SPPL2A: variants seen among roughly 807,000 people sequenced by gnomAD.
The protein encoded by SPPL2A is signal peptide peptidase-like 2A.
A neutral mutation model predicts 63.8 loss-of-function variants in SPPL2A; 51 were observed. The ratio of observed to expected loss-of-function variants is 0.80; its 90% CI spans 0.64 to 1.01. SPPL2A has a LOEUF of 1.01. SPPL2A is among the 50% of genes least tolerant of loss of function. The pLI, the probability that SPPL2A is intolerant of heterozygous loss-of-function variation, is 0.00. For synonymous variants in SPPL2A, 188 were observed against 205.8 expected (o/e 0.91, Z 0.74); for missense variants, 553 against 622.7 (o/e 0.89, Z 1.19).
At chr15:50,725,177 C>T in intron 12 of SPPL2A, 44 bp downstream of exon 12, 1 of 1,114,400 alleles carries the variant, frequency 9.0e-7, no homozygotes. Context: ...GATTTAAAAT[C>T]ATCAGTGTTT....
intron 6 of SPPL2A, among the ~76,000 whole-genome samples, chr15:50,737,907 A>G (rs1466711206): frequency 6.6e-6 from 1 of 152,042 alleles, no homozygotes; most frequent in Non-Finnish European, 1.5e-5. Flanking sequence ...CCCTGTTTCT[A>G]CTAAAAATAC....
At chr15:50,740,446 G>A (rs28550702) in intron 5 of SPPL2A, among the ~76,000 whole-genome samples, 27,540 of 120,814 alleles carry the variant, frequency 0.23, 3,997 homozygotes, top group East Asian at 0.49. Context: ...AAAAAAAAAA[G>A]AAAAAAAAAA....
intron 1 of SPPL2A, among the ~76,000 whole-genome samples, chr15:50,758,390 T>G (rs1281626346): frequency 1.3e-5 from 2 of 150,926 alleles, no homozygotes; most frequent in African/African-American, 4.9e-5. Flanking sequence ...TAGAGTGCAG[T>G]GGCGTGATCT....
chr15:50,729,457 A>G (rs1166010893), intron 10 of SPPL2A, among the ~76,000 whole-genome samples: 4 of 152,166 alleles, frequency 2.6e-5, no homozygotes, highest in Non-Finnish European at 5.9e-5. Flanking sequence ...CCATCTCTAC[A>G]AAAAATACAA....
chr15:50,710,231 A>G (rs1267572049), intron 14 of SPPL2A, among the ~76,000 whole-genome samples: 1 of 152,174 alleles, frequency 6.6e-6, no homozygotes, highest in Non-Finnish European at 1.5e-5. Flanking sequence ...ATGATAGCCC[A>G]CATACCCTAA....
intron 5 of SPPL2A, chr15:50,743,206 G>A (rs2062835821): frequency 6.6e-6 from 1 of 152,360 alleles, no homozygotes; most frequent in African/African-American, 2.4e-5. Context: ...GGGAGGCAGA[G>A]GTTGCAGTGA....
intron 8 of SPPL2A, among the ~76,000 whole-genome samples, chr15:50,735,354 G>C (rs887247796): frequency 6.6e-6 from 1 of 151,876 alleles, no homozygotes; most frequent in African/African-American, 2.4e-5. Context: ...TTCAAAGTTT[G>C]ATGGACATTT....
intron 14 of SPPL2A, among the ~76,000 whole-genome samples, chr15:50,718,008 G>A (rs1290893052): frequency 3.9e-5 from 4 of 101,928 alleles, no homozygotes; most frequent in African/African-American, 1.2e-4. Flanking sequence ...GTCTTGCTCT[G>A]TCCCCCAGGC....
At position 50,705,807 on chromosome 15, in the gene SPPL2A, AGTTTT is replaced by A. The variant is rs1267988893; in HGVS notation, c.*1988_*1992del. ...GGTCTGATCAATTTTAAAAGGCATT[AGTTTT>A]ATTTTTAATAAATTGAACTGGCCTT... On this transcript the variant is annotated 3_prime_UTR_variant, in exon 15 of 15. Coordinates refer to ENST00000261854, the MANE Select transcript of SPPL2A (RefSeq NM_032802.4). 2.0e-5 allele frequency: 3 copies of A among 152,254 alleles called. No individual in the cohort carries two copies. The highest frequency in any genetic ancestry group is 1.5e-5 in the Non-Finnish European group (1 of 68,040). 9.4% of individuals were successfully genotyped at this position (152,254 alleles called of 1,614,324 possible).
intron 14 of SPPL2A, among the ~76,000 whole-genome samples, chr15:50,719,435 G>A (rs563456876): frequency 1.3e-5 from 2 of 152,004 alleles, no homozygotes; most frequent in African/African-American, 4.8e-5. Context: ...TAGTAGAGAC[G>A]GGTTTCACCA....
chr15:50,742,635 A>T (rs185030402), intron 5 of SPPL2A: 1 of 151,634 alleles, frequency 6.6e-6, no homozygotes, highest in African/African-American at 2.4e-5. Flanking sequence ...TACATCACTG[A>T]TTCATATTCT....
chr15:50,713,220 A>G (rs780970466), intron 14 of SPPL2A, among the ~76,000 whole-genome samples: 1 of 151,950 alleles, frequency 6.6e-6, no homozygotes, highest in Non-Finnish European at 1.5e-5. Flanking sequence ...ATTATATTAC[A>G]TAACTTTCAA....
In SPPL2A at chr15:50,747,618, T is replaced by C; in HGVS notation, c.461A>G (p.Asp154Gly). The C allele has an allele frequency of 6.2e-7, 1 of 1,603,204 alleles. No homozygotes were observed. Residue 154 changes from aspartate to glycine, a missense_variant, in exon 5 of 15, where the codon GAT (aspartate) becomes GGT (glycine). Coordinates refer to ENST00000261854, the MANE Select transcript of SPPL2A (RefSeq NM_032802.4). Reference sequence around the variant, plus strand: ...AGAATACATTTTCACAGTAATGTTATCTCCTAGAGTCTGAAAGGCAAAATA... The same window carrying C: ...AGAATACATTTTCACAGTAATGTTACCTCCTAGAGTCTGAAAGGCAAAATA... ...DFRDMNQTLGDNITVKMYSPS... is the reference protein window; with the variant it reads ...DFRDMNQTLGGNITVKMYSPS...
intron 6 of SPPL2A, among the ~76,000 whole-genome samples, chr15:50,737,796 G>A (rs1227730443): frequency 1.3e-5 from 2 of 152,030 alleles, no homozygotes; most frequent in African/African-American, 4.8e-5. Context: ...CATAAGCTGG[G>A]TACAGTGGCT....
chr15:50,728,817 ATTT>A (rs534318500), intron 10 of SPPL2A, among the ~76,000 whole-genome samples: 1 of 136,058 alleles, frequency 7.3e-6, no homozygotes, highest in Admixed American at 7.4e-5. Context: ...TGATTATTGT[ATTT>A]TTTTTTTTTT....
intron 10 of SPPL2A, 24 bp from the exon 11 acceptor site, chr15:50,726,401 T>C (rs2062688510): frequency 6.2e-7 from 1 of 1,606,536 alleles, no homozygotes; most frequent in Admixed American, 1.7e-5. Flanking sequence ...GGAAAAGAAG[T>C]TGTCTAATCA....
intron 6 of SPPL2A, among the ~76,000 whole-genome samples, 159 bp from the exon 7 acceptor site, chr15:50,736,899 A>T (rs2062775351): frequency 6.7e-6 from 1 of 149,986 alleles, no homozygotes; most frequent in Non-Finnish European, 1.5e-5. Context: ...TGAAATTTAG[A>T]TCGTGAGGTT....
intron 6 of SPPL2A, among the ~76,000 whole-genome samples, chr15:50,737,310 A>C (rs1242327591): frequency 6.6e-6 from 1 of 152,214 alleles, no homozygotes; most frequent in African/African-American, 2.4e-5. Context: ...TCTATCAATG[A>C]CTACTATAAA....
chr15:50,739,170 CTTTTTT>C, intron 6 of SPPL2A, among the ~76,000 whole-genome samples: 1 of 106,946 alleles, frequency 9.4e-6, no homozygotes, highest in East Asian at 2.6e-4. Context: ...ACATAACGTA[CTTTTTT>C]TTTTTTTTTT....
Sources: gnomAD v4.1 joint callset for allele counts (sites outside exome capture counted in the v4.1 genomes callset) on GRCh38, gnomAD v4.1.1 for gene constraint, MANE v1.5 for transcripts, NCBI Gene and HGNC (gene_info 2026-07-23, HGNC 2026-07-21) for gene names.